Variants in PARD3B observed in about 807,000 individuals in gnomAD.
PARD3B encodes partitioning defective 3 homolog B.
Under a neutral mutation model 130.2 loss-of-function variants are expected in PARD3B, and 103 were observed. The ratio of observed to expected loss-of-function variants is 0.79; its 90% CI spans 0.67 to 0.93. PARD3B has a LOEUF of 0.93. PARD3B is among the 40% of genes least tolerant of loss of function. The probability of loss-of-function intolerance (pLI) is 0.00; values close to 1 mark genes in which losing one functional copy is unlikely to be tolerated. For synonymous variants in PARD3B, 583 were observed against 553.2 expected, an observed-to-expected ratio of 1.05 and a Z score of -0.76; for missense variants, 1,609 against 1,499.2, an observed-to-expected ratio of 1.07 and a Z score of -1.21.
At chr2:205,400,045 A>AG (rs556910524) in intron 18 of PARD3B, among the ~76,000 whole-genome samples, 119 of 152,282 alleles carry the variant, frequency 7.8e-4, no homozygotes, top group African/African-American at 2.7e-3. Flanking sequence ...GTGTTCAATA[A>AG]GGCCTCTCGT....
intron 2 of PARD3B, among the ~76,000 whole-genome samples, chr2:204,713,440 T>A (rs943171800): frequency 6.6e-6 from 1 of 151,826 alleles, no homozygotes; most frequent in African/African-American, 2.4e-5. Flanking sequence ...TTTTTAAGTA[T>A]GCAGTTTTGT....
chr2:204,551,418 G>A (rs573034950), intron 1 of PARD3B, among the ~76,000 whole-genome samples: 1 of 152,290 alleles, frequency 6.6e-6, no homozygotes, highest in Non-Finnish European at 1.5e-5. Flanking sequence ...GTGAGGATAA[G>A]TTATTGTCAT....
At position 205,057,656 on chromosome 2, in the gene PARD3B, C is replaced by T. The variant is rs941943660; in HGVS notation, c.504+9966C>T. 5.5e-4 allele frequency among the ~76,000 whole-genome samples: 58 copies of T among 105,904 alleles called. 1 individual carries two copies. Among genetic ancestry groups the T allele is most frequent in the African/African-American group, 1.5e-3 (44 of 29,140 alleles). 69.5% of individuals were successfully genotyped at this position (105,904 alleles called of 152,430 possible). A position where few individuals can be genotyped will look rare whatever the true frequency, so the allele number is the denominator to read the frequency against. On this transcript the variant is annotated intron_variant, in intron 4 of 22. Transcript: ENST00000406610. Reference sequence around the variant, plus strand: ...ATATACATATATGTGTATGTGTATACGTACATATACATATATGTGTATGTG... The same window carrying T: ...ATATACATATATGTGTATGTGTATATGTACATATACATATATGTGTATGTG...
At chr2:204,548,649 A>C (rs1192507484) in intron 1 of PARD3B, among the ~76,000 whole-genome samples, 1 of 152,228 alleles carries the variant, frequency 6.6e-6, no homozygotes, top group African/African-American at 2.4e-5. Context: ...ACTAACTGCT[A>C]TATCACATCA....
intron 1 of PARD3B, among the ~76,000 whole-genome samples, chr2:204,685,339 T>C (rs901187391): frequency 1.6e-4 from 24 of 152,188 alleles, no homozygotes; most frequent in African/African-American, 5.1e-4. Context: ...GGTAAAACCT[T>C]ACTCATGTTT....
chr2:204,566,136 A>G (rs1289706886), intron 1 of PARD3B, among the ~76,000 whole-genome samples: 1 of 152,212 alleles, frequency 6.6e-6, no homozygotes, highest in East Asian at 1.9e-4. Context: ...AAACCATGAG[A>G]TTCCAAAAGT....
rs187831439 is a variant in PARD3B, at chr2:205,508,892, A to G, written c.3180+8861A>G. ...CACTGGAAGAGTTGAGATTTTGCTC[A>G]CTTAGATTTCAGCAAGTAGTAAAAC... On this transcript the variant is annotated intron_variant, in intron 21 of 22. Coordinates refer to ENST00000406610, the MANE Select transcript of PARD3B (RefSeq NM_001302769.2). Among the ~76,000 whole-genome samples, 887 of 152,314 alleles carry G rather than the reference A, an allele frequency of 5.8e-3. 6 individuals are homozygous for G. The highest frequency in any genetic ancestry group is 8.5e-3 in the Non-Finnish European group (578 of 68,030).
At chr2:205,380,168 A>C (rs1012521287) in intron 18 of PARD3B, among the ~76,000 whole-genome samples, 15 of 88,304 alleles carry the variant, frequency 1.7e-4, no homozygotes, top group African/African-American at 6.9e-4. Context: ...AAGAATATAT[A>C]TTATATAATA....
At chr2:204,598,648 A>C (rs1454424979) in intron 1 of PARD3B, among the ~76,000 whole-genome samples, 1 of 152,110 alleles carries the variant, frequency 6.6e-6, no homozygotes, top group Non-Finnish European at 1.5e-5. Context: ...TGTGTACAAT[A>C]TTATATTGCA....
At chr2:204,953,877 T>C (rs890015842) in intron 2 of PARD3B, among the ~76,000 whole-genome samples, 3 of 152,126 alleles carry the variant, frequency 2.0e-5, no homozygotes, top group African/African-American at 7.2e-5. Context: ...GAAGGCCTTT[T>C]GTGCTAAATT....
At chr2:204,693,875 A>G (rs1306159719) in intron 2 of PARD3B, among the ~76,000 whole-genome samples, 1 of 151,972 alleles carries the variant, frequency 6.6e-6, no homozygotes, top group Non-Finnish European at 1.5e-5. Context: ...GTATTATTCA[A>G]TATTAGCTCC....
intron 2 of PARD3B, among the ~76,000 whole-genome samples, chr2:204,955,889 A>T (rs1173778352): frequency 6.6e-6 from 1 of 152,198 alleles, no homozygotes; most frequent in African/African-American, 2.4e-5. Context: ...TGGATATAGC[A>T]CTGTGGGACA....
intron 1 of PARD3B, among the ~76,000 whole-genome samples, chr2:204,553,631 G>C (rs62180292): frequency 9.0e-4 from 62 of 68,844 alleles, no homozygotes; most frequent in South Asian, 2.1e-3. Context: ...CATATATATG[G>C]ATATATATTT....
chr2:204,883,436 TATATATATATATATATATA>T (rs2046139882), intron 2 of PARD3B, among the ~76,000 whole-genome samples: 1 of 101,350 alleles, frequency 9.9e-6, no homozygotes, highest in East Asian at 2.6e-4. Flanking sequence ...ATATATAAAA[TATATATATATATATATATA>T]TTTTTTTTTT....
intron 2 of PARD3B, among the ~76,000 whole-genome samples, chr2:204,780,946 G>A (rs2125451932): frequency 6.6e-6 from 1 of 152,148 alleles, no homozygotes; most frequent in East Asian, 1.9e-4. Context: ...TGTCTGAATG[G>A]GGGTGACCAT....
chr2:205,298,899 T>C (rs530588151), intron 16 of PARD3B, among the ~76,000 whole-genome samples: 1 of 152,264 alleles, frequency 6.6e-6, no homozygotes, highest in South Asian at 2.1e-4. Flanking sequence ...CAGCTCCTGG[T>C]CTGGATGCTT....
intron 18 of PARD3B, among the ~76,000 whole-genome samples, chr2:205,319,609 A>AT (rs1200661516): frequency 1.6e-4 from 25 of 152,128 alleles, no homozygotes; most frequent in African/African-American, 4.1e-4. Context: ...TTTCCTCGCC[A>AT]TTTTTCATCC....
At chr2:205,357,202 T>C (rs113283529) in intron 18 of PARD3B, among the ~76,000 whole-genome samples, 1,561 of 152,270 alleles carry the variant, frequency 0.01, 12 homozygotes, top group Middle Eastern at 0.027. Context: ...AGAAGGACAT[T>C]TTTTCCTACT....
At chr2:204,725,410 A>G (rs78025518) in intron 2 of PARD3B, among the ~76,000 whole-genome samples, 34,759 of 152,114 alleles carry the variant, frequency 0.23, 4,160 homozygotes, top group African/African-American at 0.3. Flanking sequence ...ACTATAGCAA[A>G]CACAGTAATT....
Sources: gnomAD v4.1 joint callset for allele counts (sites outside exome capture counted in the v4.1 genomes callset) on GRCh38, gnomAD v4.1.1 for gene constraint, MANE v1.5 for transcripts, NCBI Gene and HGNC (gene_info 2026-07-23, HGNC 2026-07-21) for gene names.